The following MYRIP variants were observed in gnomAD, a reference collection of about 807,000 sequenced individuals.
The protein encoded by MYRIP is myosin VIIA and Rab interacting protein, also known as rab effector MyRIP.
In MYRIP, 49 loss-of-function variants were observed where a neutral mutation model predicts 98.0. That is an observed-to-expected ratio of 0.50 (90% CI 0.40 to 0.63). The LOEUF (loss-of-function observed/expected upper bound fraction) is 0.63. Ranked by LOEUF, MYRIP falls within the 30% of genes least tolerant of loss-of-function variation. The pLI, the probability that MYRIP is intolerant of heterozygous loss-of-function variation, is 0.00. For missense variants in MYRIP, 1,004 were observed against 1,058.2 expected (o/e 0.95, Z 0.71); for synonymous variants, 404 against 409.5 (o/e 0.99, Z 0.16).
rs184340773 is a variant in MYRIP at position 40,157,952 on chromosome 3, G to T, written c.470-4778G>T. Among the ~76,000 whole-genome samples, 482 of 152,208 alleles carry T rather than the reference G, an allele frequency of 3.2e-3. 1 individual carries two copies. Among genetic ancestry groups the T allele is most frequent in the Admixed American group, 4.8e-3 (74 of 15,288 alleles). ...TGATCCTTTCAAAAAACCAGCTCCT[G>T]GATTCATTTATTTTTTGAAGGGTTT... On this transcript the variant is annotated intron_variant, in intron 4 of 16. Coordinates refer to ENST00000302541, the MANE Select transcript of MYRIP (RefSeq NM_015460.4).
At chr3:40,213,629 GAC>G (rs1433708266) in intron 11 of MYRIP, among the ~76,000 whole-genome samples, 1 of 74,720 alleles carries the variant, frequency 1.3e-5, no homozygotes, top group East Asian at 4.8e-4. Flanking sequence ...CACACACACA[GAC>G]ACACACACAC....
At chr3:39,964,300 T>C (rs1365282926) in intron 2 of MYRIP, among the ~76,000 whole-genome samples, 1 of 152,074 alleles carries the variant, frequency 6.6e-6, no homozygotes, top group African/African-American at 2.4e-5. Context: ...ATGGTATACA[T>C]GATAATATAG....
intron 2 of MYRIP, among the ~76,000 whole-genome samples, chr3:39,906,332 C>T (rs1575365667): frequency 6.6e-6 from 1 of 152,154 alleles, no homozygotes; most frequent in Admixed American, 6.5e-5. Context: ...AGCTCTATCC[C>T]CAGGTTCTAT....
At chr3:40,038,470 G>C (rs1453016920) in intron 2 of MYRIP, among the ~76,000 whole-genome samples, 2 of 152,016 alleles carry the variant, frequency 1.3e-5, no homozygotes, top group Non-Finnish European at 2.9e-5. Flanking sequence ...CTAAAAGCTA[G>C]TTATTTTTAA....
At chr3:40,218,580 T>TACACACACAC (rs775687543) in intron 11 of MYRIP, among the ~76,000 whole-genome samples, 310 of 14,850 alleles carry the variant, frequency 0.021, 3 homozygotes, top group Non-Finnish European at 0.046. Context: ...CATACACATT[T>TACACACACAC]ACACACACAC....
chr3:39,957,745 G>A (rs1945205576), intron 2 of MYRIP, among the ~76,000 whole-genome samples: 1 of 152,158 alleles, frequency 6.6e-6, no homozygotes, highest in African/African-American at 2.4e-5. Flanking sequence ...AATTGTCCCT[G>A]TTTGCAGATG....
intron 1 of MYRIP, among the ~76,000 whole-genome samples, chr3:39,811,571 GTC>G (rs1940693148): frequency 6.6e-6 from 1 of 151,848 alleles, no homozygotes; most frequent in Non-Finnish European, 1.5e-5. Context: ...GGGCAGCTGC[GTC>G]TCTCCTAATT....
chr3:40,130,894 C>G (rs992819400), intron 3 of MYRIP, among the ~76,000 whole-genome samples: 9 of 152,168 alleles, frequency 5.9e-5, no homozygotes, highest in African/African-American at 2.2e-4. Flanking sequence ...ACCATCACAA[C>G]CCACTCATCC....
chr3:39,895,194 CT>C (rs563073283), intron 1 of MYRIP, among the ~76,000 whole-genome samples: 21 of 140,268 alleles, frequency 1.5e-4, no homozygotes, highest in South Asian at 9.1e-4. Context: ...TTTTTTTTTT[CT>C]TTTTTTTTTG....
chr3:39,877,656 G>A (rs574714856), intron 1 of MYRIP, among the ~76,000 whole-genome samples: 108 of 152,286 alleles, frequency 7.1e-4, no homozygotes, highest in Admixed American at 6.9e-3. Context: ...GCAGAACAGC[G>A]GATTTTCATG....
At chr3:39,883,890 A>G (rs2125648073) in intron 1 of MYRIP, among the ~76,000 whole-genome samples, 1 of 152,176 alleles carries the variant, frequency 6.6e-6, no homozygotes, top group East Asian at 1.9e-4. Flanking sequence ...AGGAAGAAAA[A>G]CAGATTCAAA....
chr3:39,965,316 A>G (rs1354564294), intron 2 of MYRIP, among the ~76,000 whole-genome samples: 1 of 152,140 alleles, frequency 6.6e-6, no homozygotes, highest in Non-Finnish European at 1.5e-5. Context: ...TCTGAATTGC[A>G]TTAAAAGAAA....
intron 1 of MYRIP, among the ~76,000 whole-genome samples, chr3:39,839,385 G>A (rs1941727002): frequency 6.6e-6 from 1 of 151,958 alleles, no homozygotes; most frequent in Non-Finnish European, 1.5e-5. Flanking sequence ...AGCCTCCTGA[G>A]TAGCTGGGAT....
At chr3:40,241,325 T>G (rs1309666381) in intron 12 of MYRIP, among the ~76,000 whole-genome samples, 2 of 152,192 alleles carry the variant, frequency 1.3e-5, no homozygotes, top group African/African-American at 4.8e-5. Flanking sequence ...CAGAGGATGT[T>G]GGTCCTCTTT....
chr3:40,202,455 G>A (rs1351118374), intron 10 of MYRIP, among the ~76,000 whole-genome samples: 1 of 152,108 alleles, frequency 6.6e-6, no homozygotes, highest in Admixed American at 6.6e-5. Context: ...GGTTACTGAG[G>A]TAAACACAGT....
chr3:40,053,787 T>C (rs761361275), intron 3 of MYRIP, among the ~76,000 whole-genome samples: 17 of 152,126 alleles, frequency 1.1e-4, no homozygotes, highest in African/African-American at 2.4e-4. Flanking sequence ...TTTAAGTCTT[T>C]AGAGGAATAG....
At chr3:39,882,706 T>C (rs1383817146) in intron 1 of MYRIP, among the ~76,000 whole-genome samples, 4 of 152,156 alleles carry the variant, frequency 2.6e-5, no homozygotes, top group African/African-American at 9.6e-5. Context: ...TTCCTAATGT[T>C]ATGAGGAATA....
intron 13 of MYRIP, among the ~76,000 whole-genome samples, chr3:40,250,013 C>T (rs2125721400): frequency 6.6e-6 from 1 of 152,192 alleles, no homozygotes. Context: ...AGCTAACAAA[C>T]TAGAAATTTA....
In MYRIP at chr3:40,258,365, T is replaced by C; in HGVS notation, c.*199T>C. 1.8e-6 allele frequency: 1 copy of C among 553,634 alleles called. No homozygotes were observed. 34.3% of individuals were successfully genotyped at this position (553,634 alleles called of 1,614,324 possible). A position where few individuals can be genotyped will look rare whatever the true frequency, so the allele number is the denominator to read the frequency against. On this transcript the variant is annotated 3_prime_UTR_variant, in exon 17 of 17. Transcript: ENST00000302541. ...ACTTCAGCACTGCGGTCTTGCCCAC[T>C]CTCTGCCTTAGGCTCCCAGGGGAAT...
Sources: allele counts gnomAD v4.1 joint callset (sites outside exome capture counted in the v4.1 genomes callset), GRCh38; gene constraint gnomAD v4.1.1; transcripts MANE v1.5; gene names NCBI Gene and HGNC (gene_info 2026-07-23, HGNC 2026-07-21).